The following ZNF718 variants were observed in gnomAD, a reference collection of about 807,000 sequenced individuals.
ZNF718 encodes the protein zinc finger protein 718.
Under a neutral mutation model 2.6 loss-of-function variants are expected in ZNF718, and 3 were observed. That is an observed-to-expected ratio of 1.16 (90% CI 0.53 to 3.01). The LOEUF (loss-of-function observed/expected upper bound fraction) is 3.01, where lower values mean the gene tolerates loss of function less well. Ranked by LOEUF, ZNF718 falls within the 30% of genes most tolerant of loss-of-function variation. ZNF718 has a pLI of 0.03. For synonymous variants in ZNF718, 135 were observed against 77.9 expected (o/e 1.73, Z -3.86); for missense variants, 468 against 230.0 (o/e 2.03, Z -6.69).
chr4:158,486 C>T (rs936749221), intron 3 of ZNF718, among the ~76,000 whole-genome samples: 151 of 105,018 alleles, frequency 1.4e-3, no homozygotes, highest in African/African-American at 4.7e-3. Flanking sequence ...TATTGATAGG[C>T]CCTTACTTCT....
At chr4:164,358 C>A (rs1385062272), downstream of ZNF718, among the ~76,000 whole-genome samples, 1 of 151,854 alleles carries the variant, frequency 6.6e-6, no homozygotes, top group Non-Finnish European at 1.5e-5. Flanking sequence ...AAAAAATATT[C>A]TTTTAATAAT....
chr4:190,724 AG>A (rs1560132931), intron 3 of ZNF718, among the ~76,000 whole-genome samples: 1 of 152,332 alleles, frequency 6.6e-6, no homozygotes, highest in East Asian at 1.9e-4. Flanking sequence ...TATGAAAAGT[AG>A]AATGAGAGGA....
At chr4:187,835 G>T (rs1553820639) in intron 3 of ZNF718, among the ~76,000 whole-genome samples, 1 of 152,180 alleles carries the variant, frequency 6.6e-6, no homozygotes, top group African/African-American at 2.4e-5. Flanking sequence ...CCCACAGGCT[G>T]CACTGGCTGA....
At position 162,268 on chromosome 4, in the gene ZNF718, G is replaced by A. The variant is rs112537324; in HGVS notation, c.*146G>A. 7 of 505,350 alleles carry A rather than the reference G, an allele frequency of 1.4e-5. No homozygotes were observed. The Admixed American group carries it at 2.1e-4, about 15-fold the overall frequency. 31.3% of individuals were successfully genotyped at this position (505,350 alleles called of 1,614,324 possible). ...TCTAAACATAAGAGAAATGGTATTG[G>A]TGAGAAGCCATAAAAATATGAAAAA... On this transcript the variant is annotated 3_prime_UTR_variant, in exon 4 of 4. Coordinates refer to ENST00000510175, the MANE Select transcript of ZNF718 (RefSeq NM_001039127.6).
At chr4:189,187 A>G (rs2108815783) in intron 3 of ZNF718, among the ~76,000 whole-genome samples, 1 of 151,586 alleles carries the variant, frequency 6.6e-6, no homozygotes, top group East Asian at 1.9e-4. Flanking sequence ...CAACCTCCCG[A>G]GAAGCTGGGA....
intron 1 of ZNF718, chr4:125,317 A>G (rs1170216171): frequency 2.0e-5 from 3 of 152,514 alleles, no homozygotes; most frequent in African/African-American, 4.8e-5. Context: ...CTGCCACATT[A>G]TTGAACTTGA....
intron 3 of ZNF718, among the ~76,000 whole-genome samples, chr4:142,623 G>C (rs899590049): frequency 3.9e-5 from 6 of 152,180 alleles, no homozygotes; most frequent in African/African-American, 1.2e-4. Context: ...CTCATGATAG[G>C]CTCTATAGCA....
At chr4:148,559 A>G (rs952577393) in intron 3 of ZNF718, among the ~76,000 whole-genome samples, 36 of 150,650 alleles carry the variant, frequency 2.4e-4, no homozygotes, top group Non-Finnish European at 4.6e-4. Flanking sequence ...CAGTGAGCAA[A>G]TATCACGCCA....
chr4:174,158 C>T (rs1311265758), intron 3 of ZNF718, among the ~76,000 whole-genome samples: 1 of 152,156 alleles, frequency 6.6e-6, no homozygotes, highest in Non-Finnish European at 1.5e-5. Context: ...GCCTTCAGCT[C>T]ATTCTTCCCC....
At chr4:139,838 G>T (rs1240714501) in intron 3 of ZNF718, among the ~76,000 whole-genome samples, 1 of 152,132 alleles carries the variant, frequency 6.6e-6, no homozygotes, top group Non-Finnish European at 1.5e-5. Flanking sequence ...GCACCTAAAC[G>T]TGGAGGCAAC....
rs560915691 is a variant in ZNF718, at chr4:188,516, T to TC, written c.227-12560dup. On this transcript the variant is annotated intron_variant and NMD_transcript_variant, in intron 3 of 4. Transcript: ENST00000642529. ...GGGGCCCACAGACTGTTGCTGCTCA[T>TC]CCCCCTGGATTCAGCCTCTTCCTGG... 8.6e-3 allele frequency among the ~76,000 whole-genome samples: 1,302 copies of TC among 152,248 alleles called. 19 individuals are homozygous for TC. Among genetic ancestry groups the TC allele is most frequent in the Middle Eastern group, 0.061 (18 of 294 alleles).
At chr4:182,125 T>A (rs782330209) in intron 3 of ZNF718, among the ~76,000 whole-genome samples, 3 of 152,184 alleles carry the variant, frequency 2.0e-5, no homozygotes, top group Non-Finnish European at 4.4e-5. Flanking sequence ...GCAATGAACA[T>A]ACACGTGTAT....
chr4:165,003 G>C (rs1287030925), downstream of ZNF718, among the ~76,000 whole-genome samples: 1 of 152,106 alleles, frequency 6.6e-6, no homozygotes, highest in African/African-American at 2.4e-5. Flanking sequence ...CTGTTCCCAG[G>C]CTGTAAAAGT....
intron 3 of ZNF718, among the ~76,000 whole-genome samples, chr4:176,651 A>G (rs28472534): frequency 0.013 from 1,986 of 152,286 alleles, 48 homozygotes; most frequent in African/African-American, 0.046. Flanking sequence ...ATTCTACCTC[A>G]ATCACTCTTC....
chr4:181,961 T>C (rs1172198106), intron 3 of ZNF718, among the ~76,000 whole-genome samples: 2 of 152,188 alleles, frequency 1.3e-5, no homozygotes, highest in Non-Finnish European at 2.9e-5. Context: ...TAATGGCTTC[T>C]AGATCTATCC....
intron 1 of ZNF718, 126 bp downstream of exon 1, chr4:124,799 G>T (rs1715119863): frequency 7.7e-7 from 1 of 1,305,390 alleles, no homozygotes; most frequent in Non-Finnish European, 1.1e-6. Flanking sequence ...GTCCCCTCCG[G>T]TGAGGGACCC....
chr4:188,010 G>C (rs1553820650), intron 3 of ZNF718, among the ~76,000 whole-genome samples: 1 of 152,184 alleles, frequency 6.6e-6, no homozygotes, highest in Non-Finnish European at 1.5e-5. Flanking sequence ...CCCATTTAAA[G>C]AAACAGTTAT....
At chr4:135,717 T>C (rs1553809190) in intron 3 of ZNF718, among the ~76,000 whole-genome samples, 1 of 147,050 alleles carries the variant, frequency 6.8e-6, no homozygotes, top group East Asian at 2.0e-4. Flanking sequence ...GAGTTTTTGT[T>C]CATTTACTCT....
chr4:185,490 G>A (rs1192019100), intron 3 of ZNF718, among the ~76,000 whole-genome samples: 1 of 152,140 alleles, frequency 6.6e-6, no homozygotes, highest in Non-Finnish European at 1.5e-5. Flanking sequence ...TTTTTGGGTG[G>A]AGAGTTCTGT....
Sources: allele counts gnomAD v4.1 joint callset (sites outside exome capture counted in the v4.1 genomes callset), GRCh38; gene constraint gnomAD v4.1.1; transcripts MANE v1.5; gene names NCBI Gene and HGNC (gene_info 2026-07-23, HGNC 2026-07-21).